The following ELP4 variants were observed in gnomAD, a reference collection of about 807,000 sequenced individuals.
ELP4 encodes the protein elongator acetyltransferase complex subunit 4.
In ELP4, 51 loss-of-function variants were observed where a neutral mutation model predicts 48.9. The ratio of observed to expected loss-of-function variants is 1.04; its 90% CI spans 0.83 to 1.32. ELP4 has a LOEUF of 1.32. ELP4 is among the 40% of genes most tolerant of loss of function. The pLI is 0.00. For synonymous variants in ELP4, 210 were observed against 189.2 expected (o/e 1.11, Z -0.90); for missense variants, 519 against 514.6 (o/e 1.01, Z -0.08).
intron 3 of ELP4, among the ~76,000 whole-genome samples, chr11:31,556,345 G>A (rs1956929459): frequency 2.0e-5 from 3 of 151,842 alleles, no homozygotes; most frequent in African/African-American, 7.2e-5. Context: ...GTAATGATGA[G>A]TATTTTCCAT....
chr11:31,575,999 T>C (rs896736658), intron 3 of ELP4, among the ~76,000 whole-genome samples: 7 of 151,908 alleles, frequency 4.6e-5, no homozygotes, highest in Non-Finnish European at 8.8e-5. Context: ...GACTGGAAAA[T>C]TGGATAAAGA....
intron 9 of ELP4, among the ~76,000 whole-genome samples, chr11:31,721,135 G>A (rs1946951395): frequency 6.6e-6 from 1 of 152,186 alleles, no homozygotes; most frequent in Non-Finnish European, 1.5e-5. Flanking sequence ...TTGTTTGCCA[G>A]TTTTTTTGAT....
intron 9 of ELP4, among the ~76,000 whole-genome samples, chr11:31,657,843 AATT>A (rs1565099034): frequency 1.3e-5 from 2 of 152,000 alleles, no homozygotes; most frequent in African/African-American, 4.8e-5. Flanking sequence ...AAACTCTGTT[AATT>A]ATTATTAATT....
At chr11:31,562,975 A>T (rs921144619) in intron 3 of ELP4, among the ~76,000 whole-genome samples, 1 of 152,150 alleles carries the variant, frequency 6.6e-6, no homozygotes, top group African/African-American at 2.4e-5. Flanking sequence ...TTTGTATTAA[A>T]ATTATGGCAA....
intron 5 of ELP4, among the ~76,000 whole-genome samples, chr11:31,616,562 A>G (rs1944488143): frequency 6.6e-6 from 1 of 152,126 alleles, no homozygotes. Context: ...AATAAAAGCA[A>G]AAATAGACAA....
intron 3 of ELP4, among the ~76,000 whole-genome samples, chr11:31,582,814 C>T (rs1013935696): frequency 6.6e-6 from 1 of 152,044 alleles, no homozygotes; most frequent in South Asian, 2.1e-4. Context: ...CCTTTAGTCT[C>T]CCCATCTCTT....
At chr11:31,722,216 T>C (rs996985636) in intron 9 of ELP4, among the ~76,000 whole-genome samples, 3 of 152,184 alleles carry the variant, frequency 2.0e-5, no homozygotes, top group Non-Finnish European at 4.4e-5. Flanking sequence ...ACTCTTAATA[T>C]ATTATTTTTG....
intron 3 of ELP4, among the ~76,000 whole-genome samples, chr11:31,543,235 T>C (rs1956622151): frequency 6.6e-6 from 1 of 152,196 alleles, no homozygotes; most frequent in African/African-American, 2.4e-5. Context: ...AAATAAGGAA[T>C]GAAAGTATTA....
In ELP4 at chr11:31,722,665, TTCTCTCTC is replaced by T. The variant is rs71060499; in HGVS notation, c.1144-60704_1144-60697del. Among the ~76,000 whole-genome samples the T allele has an allele frequency of 1.2e-3, 168 of 144,266 alleles. 1 individual carries two copies. Among genetic ancestry groups the T allele is most frequent in the Non-Finnish European group, 1.6e-3 (109 of 66,334 alleles). 94.6% of individuals were successfully genotyped at this position (144,266 alleles called of 152,430 possible). A position where few individuals can be genotyped will look rare whatever the true frequency, so the allele number is the denominator to read the frequency against. On this transcript the variant is annotated intron_variant, in intron 9 of 9. Transcript: ENST00000640961. Reference sequence around the variant, plus strand: ...TTTTCCCTTTCTCCCAAGGTGTCTCTTCTCTCTCTCTCTCTCTCTCTCTCTCTCTCTGT... The same window carrying T: ...TTTTCCCTTTCTCCCAAGGTGTCTCTTCTCTCTCTCTCTCTCTCTCTCTGT...
intron 9 of ELP4, among the ~76,000 whole-genome samples, chr11:31,747,290 G>A (rs879914971): frequency 6.6e-6 from 1 of 152,086 alleles, no homozygotes; most frequent in Non-Finnish European, 1.5e-5. Context: ...GGGGCCAAGT[G>A]GAGGCTCTTA....
chr11:31,790,181 A>G lies in ELP4; in HGVS notation c.*6657A>G. The G allele has an allele frequency of 3.1e-6, 2 of 636,670 alleles. No homozygotes were observed. The highest frequency in any genetic ancestry group is 5.4e-6 in the Non-Finnish European group (2 of 369,036). 39.4% of individuals were successfully genotyped at this position (636,670 alleles called of 1,614,324 possible). On this transcript the variant is annotated 3_prime_UTR_variant, in exon 10 of 10. Transcript: ENST00000640961. ...CACTTCAATTGTTACAAATAAAAGT[A>G]GCACCTTCAGAAACTAGACAATATA... is the stretch of plus-strand genomic sequence containing the variant.
At chr11:31,623,221 C>G (rs1194435577) in intron 5 of ELP4, among the ~76,000 whole-genome samples, 1 of 150,236 alleles carries the variant, frequency 6.7e-6, no homozygotes, top group Non-Finnish European at 1.5e-5. Flanking sequence ...ACTGGGTTTA[C>G]TTCTTGCCAA....
intron 9 of ELP4, among the ~76,000 whole-genome samples, chr11:31,735,210 A>C (rs1323289480): frequency 6.6e-6 from 1 of 151,782 alleles, no homozygotes; most frequent in African/African-American, 2.4e-5. Context: ...CTCATCTTAC[A>C]CCATATAGAA....
intron 9 of ELP4, among the ~76,000 whole-genome samples, chr11:31,678,521 G>T (rs1224546801): frequency 7.3e-6 from 1 of 136,554 alleles, no homozygotes; most frequent in Non-Finnish European, 1.5e-5. Flanking sequence ...GTGTGTGTGT[G>T]TGTGTGTGTG....
At chr11:31,645,650 T>G (rs1387230737) in intron 7 of ELP4, 1 of 151,782 alleles carries the variant, frequency 6.6e-6, no homozygotes, top group Non-Finnish European at 1.5e-5. Flanking sequence ...TATTTATAGA[T>G]AAAAGGAAAT....
intron 9 of ELP4, among the ~76,000 whole-genome samples, chr11:31,781,481 C>G (rs1443024915): frequency 7.8e-6 from 1 of 128,762 alleles, no homozygotes; most frequent in Non-Finnish European, 1.6e-5. Context: ...CTTTTGGATT[C>G]CTGAGCCTTT....
intron 1 of ELP4, among the ~76,000 whole-genome samples, chr11:31,513,761 C>T (rs1304109996): frequency 6.6e-6 from 1 of 152,102 alleles, no homozygotes; most frequent in Non-Finnish European, 1.5e-5. Context: ...CTTACTACTG[C>T]ATGAATTGAA....
intron 9 of ELP4, among the ~76,000 whole-genome samples, chr11:31,688,324 GGGAGA>G (rs1212682431): frequency 1.3e-5 from 2 of 152,044 alleles, no homozygotes; most frequent in Admixed American, 1.3e-4. Flanking sequence ...CCTCACCCCT[GGGAGA>G]TACATGCCTG....
Position 31,734,106 on chromosome 11 carries a change from G to A in ELP4, c.1144-49287G>A, listed in dbSNP as rs1056206512. Among the ~76,000 whole-genome samples, 7 of 152,216 alleles carry A rather than the reference G, an allele frequency of 4.6e-5. No homozygotes were observed. In the South Asian group the frequency reaches 1.5e-3, roughly 32 times the overall value. On this transcript the variant is annotated intron_variant, in intron 9 of 9. Coordinates refer to ENST00000640961, the MANE Select transcript of ELP4 (RefSeq NM_019040.5). ...TGATACATCACATTAACAGATTGAG[G>A]GATGAAAAAGCACATGATCATCTTA... is the stretch of plus-strand genomic sequence containing the variant.
Sources: allele counts gnomAD v4.1 joint callset (sites outside exome capture counted in the v4.1 genomes callset), GRCh38; gene constraint gnomAD v4.1.1; transcripts MANE v1.5; gene names NCBI Gene and HGNC (gene_info 2026-07-23, HGNC 2026-07-21).